Variants in SV2C observed in about 807,000 individuals in gnomAD.
SV2C encodes solute carrier family 22 member B3.
SV2C carries 49 observed loss-of-function variants against 79.7 expected under a neutral mutation model. The ratio of observed to expected loss-of-function variants is 0.61; its 90% CI spans 0.49 to 0.78. The LOEUF (loss-of-function observed/expected upper bound fraction) is 0.78, where lower values mean the gene tolerates loss of function less well. Ranked by LOEUF, SV2C falls within the 30% of genes least tolerant of loss-of-function variation. SV2C has a pLI of 0.00. For missense variants in SV2C, 833 were observed against 912.9 expected (o/e 0.91, Z 1.13); for synonymous variants, 334 against 333.2 (o/e 1.00, Z -0.03).
chr5:76,317,606 A>G (rs1302309305), intron 12 of SV2C, among the ~76,000 whole-genome samples: 1 of 151,598 alleles, frequency 6.6e-6, no homozygotes, highest in Non-Finnish European at 1.5e-5. Flanking sequence ...GAGGTGGGAG[A>G]ATCACTTGAG....
chr5:75,947,923 T>C, the SV2C span, among the ~76,000 whole-genome samples: 9 of 151,986 alleles, frequency 5.9e-5, no homozygotes, highest in East Asian at 5.8e-4. Flanking sequence ...TAGGAAGTCT[T>C]ATTCTACTCC....
the SV2C span, among the ~76,000 whole-genome samples, chr5:75,865,122 C>G: frequency 6.6e-6 from 1 of 152,118 alleles, no homozygotes; most frequent in African/African-American, 2.4e-5. Flanking sequence ...TTACTGGGCT[C>G]TTGTAGAAAA....
At chr5:76,264,449 C>T (rs1746579260) in intron 4 of SV2C, among the ~76,000 whole-genome samples, 1 of 152,070 alleles carries the variant, frequency 6.6e-6, no homozygotes, top group Admixed American at 6.5e-5. Context: ...TCATCAAACT[C>T]ATTGTCTATC....
the SV2C span, among the ~76,000 whole-genome samples, chr5:75,998,542 C>T: frequency 6.6e-6 from 1 of 152,020 alleles, no homozygotes; most frequent in Non-Finnish European, 1.5e-5. Context: ...AGGAAAATGT[C>T]AAGAGAATCT....
At chr5:76,221,514 C>G (rs1385031917) in intron 4 of SV2C, among the ~76,000 whole-genome samples, 2 of 152,166 alleles carry the variant, frequency 1.3e-5, no homozygotes, top group Non-Finnish European at 2.9e-5. Context: ...CCAAGCATGA[C>G]GTTGTGGACA....
At chr5:76,160,494 G>T (rs1033431107) in intron 2 of SV2C, among the ~76,000 whole-genome samples, 3 of 152,074 alleles carry the variant, frequency 2.0e-5, no homozygotes, top group Admixed American at 6.5e-5. Context: ...ATTCGCAAAG[G>T]ATTCTTAAAT....
intron 2 of SV2C, among the ~76,000 whole-genome samples, chr5:76,163,773 C>T (rs1742964077): frequency 2.0e-5 from 3 of 152,254 alleles, no homozygotes; most frequent in Admixed American, 6.5e-5. Flanking sequence ...CCAAGACCAA[C>T]ATCTTCTTTG....
chr5:75,991,485 TG>T, the SV2C span, among the ~76,000 whole-genome samples: 2 of 150,672 alleles, frequency 1.3e-5, no homozygotes, highest in Non-Finnish European at 3.0e-5. Flanking sequence ...CTGTCTTTAA[TG>T]GTCTTTATTT....
chr5:76,053,831 TCCATAAGAAGGTCCATGTATCTG>T, the SV2C span, among the ~76,000 whole-genome samples: 6 of 152,202 alleles, frequency 3.9e-5, no homozygotes, highest in Non-Finnish European at 8.8e-5. Context: ...GTTTCTCTTG[TCCATAAGAAGGTCCATGTATCTG>T]CCCTACAAAT....
the SV2C span, among the ~76,000 whole-genome samples, chr5:75,941,244 C>G: frequency 1.3e-5 from 2 of 152,276 alleles, no homozygotes; most frequent in Non-Finnish European, 2.9e-5. Flanking sequence ...TCTAAATAAA[C>G]AAAAATTGGT....
chr5:75,911,108 T>C, the SV2C span: 1 of 1,496,032 alleles, frequency 6.7e-7, no homozygotes, highest in East Asian at 2.3e-5. Flanking sequence ...AATTCTGAGA[T>C]CAAGGAGCAC....
the SV2C span, among the ~76,000 whole-genome samples, chr5:76,055,246 T>C: frequency 6.6e-6 from 1 of 152,238 alleles, no homozygotes; most frequent in South Asian, 2.1e-4. Context: ...CACCATTTAT[T>C]AAATAGGGAA....
chr5:75,864,392 C>A, the SV2C span, among the ~76,000 whole-genome samples: 1 of 152,170 alleles, frequency 6.6e-6, no homozygotes, highest in Non-Finnish European at 1.5e-5. Flanking sequence ...TACCAGGCCC[C>A]TATCTCCTGC....
At chr5:75,894,753 G>T in the SV2C span, among the ~76,000 whole-genome samples, 1 of 151,960 alleles carries the variant, frequency 6.6e-6, no homozygotes, top group Non-Finnish European at 1.5e-5. Flanking sequence ...GAAAATCTGG[G>T]AAATGAAATG....
intron 2 of SV2C, among the ~76,000 whole-genome samples, chr5:76,152,845 A>T (rs1346289208): frequency 1.3e-5 from 2 of 152,162 alleles, no homozygotes; most frequent in Non-Finnish European, 2.9e-5. Flanking sequence ...TATGTGGCTG[A>T]TATTAATGTG....
Position 76,103,880 on chromosome 5 carries a change from CT to C in SV2C, c.-102+20371del, listed in dbSNP as rs756031392. On this transcript the variant is annotated intron_variant, in intron 1 of 12. Transcript: ENST00000502798. ...AACTCATTTTATGAGGACAGTGTTA[CT>C]TTAATACTAAAACCATACAAAGATA... 9.9e-5 allele frequency among the ~76,000 whole-genome samples: 15 copies of C among 152,248 alleles called. 1 individual carries two copies. In the East Asian group the frequency reaches 1.2e-3, roughly 12 times the overall value.
the SV2C span, among the ~76,000 whole-genome samples, chr5:75,884,698 T>G: frequency 6.6e-6 from 1 of 152,128 alleles, no homozygotes; most frequent in African/African-American, 2.4e-5. Flanking sequence ...GTGATGGATA[T>G]TATAATTACC....
intron 8 of SV2C, among the ~76,000 whole-genome samples, chr5:76,292,700 C>A (rs1429806236): frequency 6.6e-6 from 1 of 152,140 alleles, no homozygotes; most frequent in Admixed American, 6.6e-5. Flanking sequence ...GATGTATATT[C>A]CTGGCATGTA....
chr5:76,078,965 A>C (rs1177357319), upstream of SV2C: 1 of 514,368 alleles, frequency 1.9e-6, no homozygotes, highest in Non-Finnish European at 3.9e-6. Flanking sequence ...AGAATGAAAG[A>C]ATTGAGTCAA....
Sources: gnomAD v4.1 joint callset for allele counts (sites outside exome capture counted in the v4.1 genomes callset) on GRCh38, gnomAD v4.1.1 for gene constraint, MANE v1.5 for transcripts, NCBI Gene and HGNC (gene_info 2026-07-23, HGNC 2026-07-21) for gene names.